SHTN1: variants seen among roughly 807,000 people sequenced by gnomAD.
The protein encoded by SHTN1 is shootin 1, also known as shootin-1.
A neutral mutation model predicts 83.1 loss-of-function variants in SHTN1; 42 were observed. The ratio of observed to expected loss-of-function variants is 0.51; its 90% CI spans 0.39 to 0.65. The LOEUF (loss-of-function observed/expected upper bound fraction) is 0.65. SHTN1 is among the 30% of genes least tolerant of loss of function. SHTN1 has a pLI of 0.00. For synonymous variants in SHTN1, 224 were observed against 247.7 expected, an observed-to-expected ratio of 0.90 and a Z score of 0.90; for missense variants, 622 against 737.8, an observed-to-expected ratio of 0.84 and a Z score of 1.82.
chr10:117,066,848 G>A (rs1009793324), intron 1 of SHTN1, among the ~76,000 whole-genome samples: 7 of 152,168 alleles, frequency 4.6e-5, no homozygotes, highest in Non-Finnish European at 7.3e-5. Flanking sequence ...TGACCAGAAG[G>A]CAGCAAATAA....
chr10:116,985,871 A>T (rs1046308859), intron 1 of SHTN1, among the ~76,000 whole-genome samples: 4 of 152,364 alleles, frequency 2.6e-5, no homozygotes, highest in African/African-American at 9.6e-5. Context: ...TCGTCCTCTT[A>T]TAGCCAGAGT....
chr10:116,971,307 C>G (rs565306062), intron 2 of SHTN1, among the ~76,000 whole-genome samples: 1 of 152,276 alleles, frequency 6.6e-6, no homozygotes, highest in South Asian at 2.1e-4. Context: ...CCGTGGCAAT[C>G]CCATCCTCTG....
At chr10:117,014,562 C>T (rs1012691650) in intron 2 of SHTN1, among the ~76,000 whole-genome samples, 1 of 152,138 alleles carries the variant, frequency 6.6e-6, no homozygotes, top group Non-Finnish European at 1.5e-5. Flanking sequence ...AACTACTCTA[C>T]ATGTAGGGTA....
At chr10:116,894,378 T>C (rs932848324) in intron 16 of SHTN1, among the ~76,000 whole-genome samples, 2 of 152,206 alleles carry the variant, frequency 1.3e-5, no homozygotes, top group Non-Finnish European at 2.9e-5. Context: ...TAGGGCAGCA[T>C]GTAACCTCTT....
chr10:116,924,470 G>C (rs183213723), intron 11 of SHTN1, among the ~76,000 whole-genome samples: 86 of 152,310 alleles, frequency 5.6e-4, no homozygotes, highest in African/African-American at 1.9e-3. Flanking sequence ...ATGATGGAAA[G>C]TGTTAGCTTA....
At chr10:116,940,411 G>C (rs571232549) in intron 9 of SHTN1, 55 bp downstream of exon 9, 6 of 1,518,328 alleles carry the variant, frequency 4.0e-6, no homozygotes, top group African/African-American at 1.4e-5. Context: ...TTAAATATAT[G>C]TGTGTATGCA....
chr10:117,005,141 G>A lies in SHTN1; in HGVS notation c.-62C>T, dbSNP rs1416851738. On this transcript the variant is annotated 5_prime_UTR_variant, in exon 1 of 17. Coordinates refer to ENST00000355371, the MANE Select transcript of SHTN1 (RefSeq NM_001127211.3). ...GAGCGGCGCGGGGCACACAGGAGGA[G>A]GGGGAAGAAAAAGCAAGATGCCGGT... 10 of 1,555,872 alleles carry A rather than the reference G, an allele frequency of 6.4e-6. No individual in the cohort carries two copies. Among genetic ancestry groups the A allele is most frequent in the Non-Finnish European group, 7.8e-6 (9 of 1,149,320 alleles).
intron 16 of SHTN1, chr10:116,900,782 G>A: frequency 1.0e-6 from 1 of 985,226 alleles, no homozygotes; most frequent in Non-Finnish European, 1.2e-6. Context: ...ATGACTACAG[G>A]AGAAAATGTG....
At chr10:117,004,661 G>A (rs1380591273) in intron 1 of SHTN1, among the ~76,000 whole-genome samples, 1 of 152,176 alleles carries the variant, frequency 6.6e-6, no homozygotes, top group Non-Finnish European at 1.5e-5. Context: ...GCCCAAAGCA[G>A]CCAAAATATC....
intron 6 of SHTN1, among the ~76,000 whole-genome samples, chr10:116,949,694 T>C (rs1052951306): frequency 8.5e-5 from 13 of 152,094 alleles, no homozygotes; most frequent in Admixed American, 6.6e-4. Context: ...AAAATAAAAA[T>C]GCTGATTATT....
At chr10:116,963,575 A>C (rs1490113035) in intron 3 of SHTN1, among the ~76,000 whole-genome samples, 2 of 152,194 alleles carry the variant, frequency 1.3e-5, no homozygotes, top group Non-Finnish European at 2.9e-5. Context: ...AAAAGAAAAG[A>C]CTACTAATCT....
chr10:117,066,807 C>T (rs1056625849), intron 1 of SHTN1, among the ~76,000 whole-genome samples: 1 of 152,170 alleles, frequency 6.6e-6, no homozygotes, highest in African/African-American at 2.4e-5. Context: ...GCATTTGCCT[C>T]ATTTCTGGTA....
intron 1 of SHTN1, among the ~76,000 whole-genome samples, chr10:117,123,337 G>T (rs1853958147): frequency 6.6e-6 from 1 of 152,118 alleles, no homozygotes; most frequent in Admixed American, 6.5e-5. Flanking sequence ...CCTGTGACTA[G>T]ACAGGTAAAT....
At chr10:116,936,381 T>A (rs764731666) in intron 9 of SHTN1, among the ~76,000 whole-genome samples, 1 of 152,232 alleles carries the variant, frequency 6.6e-6, no homozygotes, top group Non-Finnish European at 1.5e-5. Context: ...TCTGTTCTCA[T>A]TGGTTTCAAA....
intron 1 of SHTN1, among the ~76,000 whole-genome samples, chr10:117,083,768 C>G (rs1237144455): frequency 6.6e-6 from 1 of 152,000 alleles, no homozygotes; most frequent in Non-Finnish European, 1.5e-5. Context: ...CTTTCCTTCT[C>G]GCTTCATTTC....
intron 12 of SHTN1, among the ~76,000 whole-genome samples, chr10:116,919,993 A>C (rs776042828): frequency 3.3e-5 from 5 of 152,226 alleles, no homozygotes; most frequent in Non-Finnish European, 7.3e-5. Context: ...CAAGAAGAGT[A>C]AACCCTCAAA....
At chr10:116,951,874 C>G (rs749522158) in intron 6 of SHTN1, 35 bp downstream of exon 6, 1 of 1,245,392 alleles carries the variant, frequency 8.0e-7, no homozygotes, top group Admixed American at 1.9e-5. Context: ...CTTGAAAATG[C>G]TAAAGCCCTT....
chr10:116,971,534 C>T (rs1850619027), intron 2 of SHTN1, among the ~76,000 whole-genome samples: 1 of 152,128 alleles, frequency 6.6e-6, no homozygotes, highest in Non-Finnish European at 1.5e-5. Flanking sequence ...ATGTTCCTCT[C>T]ATTTTCTAGA....
chr10:117,071,693 C>CT (rs1293898930), intron 1 of SHTN1, among the ~76,000 whole-genome samples: 1 of 152,052 alleles, frequency 6.6e-6, no homozygotes. Flanking sequence ...ACTTGCTCTG[C>CT]TTATTATAAC....
Sources: gnomAD v4.1 joint callset for allele counts (sites outside exome capture counted in the v4.1 genomes callset) on GRCh38, gnomAD v4.1.1 for gene constraint, MANE v1.5 for transcripts, NCBI Gene and HGNC (gene_info 2026-07-23, HGNC 2026-07-21) for gene names.